The following FOXP2 variants were observed in gnomAD, a reference collection of about 807,000 sequenced individuals.
FOXP2 encodes forkhead box P2.
Under a neutral mutation model 115.8 loss-of-function variants are expected in FOXP2, and 12 were observed. The observed-to-expected ratio is 0.10, with a 90% confidence interval of 0.07 to 0.17. FOXP2 has a LOEUF of 0.17. Among genes scored for constraint, FOXP2 ranks in the 10% least tolerant of loss-of-function variants. The pLI is 1.00. For synonymous variants in FOXP2, 328 were observed against 297.7 expected (o/e 1.10, Z -1.05); for missense variants, 629 against 843.5 (o/e 0.75, Z 3.15).
chr7:114,567,107 C>A (rs1801065124), intron 3 of FOXP2, among the ~76,000 whole-genome samples: 1 of 151,940 alleles, frequency 6.6e-6, no homozygotes, highest in African/African-American at 2.4e-5. Context: ...AAGACAGATA[C>A]AATGTCTTGG....
chr7:114,534,837 A>G, intron 3 of FOXP2, 131 bp downstream of exon 3: 2 of 723,696 alleles, frequency 2.8e-6, no homozygotes, highest in East Asian at 2.7e-5. Flanking sequence ...TAATTCATAA[A>G]GAGAATTCAT....
intron 1 of FOXP2, among the ~76,000 whole-genome samples, chr7:114,168,396 G>A (rs941006754): frequency 1.3e-5 from 2 of 152,132 alleles, no homozygotes; most frequent in Non-Finnish European, 2.9e-5. Flanking sequence ...GAACTTGTTG[G>A]GAACTGGAGC....
intron 3 of FOXP2, among the ~76,000 whole-genome samples, chr7:114,619,389 C>T (rs1377318084): frequency 6.6e-6 from 1 of 152,050 alleles, no homozygotes; most frequent in Non-Finnish European, 1.5e-5. Context: ...TTTAATACAT[C>T]ATATGAGGAG....
At chr7:114,164,647 T>C (rs1792929887) in intron 1 of FOXP2, among the ~76,000 whole-genome samples, 1 of 152,116 alleles carries the variant, frequency 6.6e-6, no homozygotes, top group Non-Finnish European at 1.5e-5. Flanking sequence ...GCCCAAAACA[T>C]TTTTTAAATC....
At chr7:114,321,013 C>T (rs761696641) in intron 2 of FOXP2, among the ~76,000 whole-genome samples, 8 of 151,824 alleles carry the variant, frequency 5.3e-5, no homozygotes, top group Non-Finnish European at 8.8e-5. Context: ...ATTATTTCAC[C>T]GTTGTTTGAA....
chr7:114,630,241 C>T lies in FOXP2; in HGVS notation c.597+236C>T, dbSNP rs556264818. ...TCGTCTAATGTTCACTAATGAATCA[C>T]AGTACAAAGAGCAAGCTGTGTGGTG... is the stretch of plus-strand genomic sequence containing the variant. On this transcript the variant is annotated intron_variant, in intron 5 of 16. Coordinates refer to ENST00000350908, the MANE Select transcript of FOXP2 (RefSeq NM_014491.4). Among the ~76,000 whole-genome samples, 44 of 152,180 alleles carry T rather than the reference C, an allele frequency of 2.9e-4. No individual in the cohort carries two copies. In the South Asian group the frequency reaches 3.9e-3, roughly 14 times the overall value.
intron 2 of FOXP2, among the ~76,000 whole-genome samples, chr7:114,344,764 T>C (rs1400248183): frequency 2.6e-5 from 4 of 151,828 alleles, no homozygotes; most frequent in African/African-American, 9.7e-5. Context: ...ACTGTTTACA[T>C]TAGGGCTTAA....
intron 1 of FOXP2, among the ~76,000 whole-genome samples, chr7:114,148,665 C>T (rs1442581502): frequency 6.6e-6 from 1 of 152,174 alleles, no homozygotes; most frequent in African/African-American, 2.4e-5. Context: ...GTCAAGCAAA[C>T]TGCTTTCCTG....
intron 1 of FOXP2, among the ~76,000 whole-genome samples, chr7:114,280,912 T>G (rs1562851753): frequency 6.6e-6 from 1 of 151,988 alleles, no homozygotes; most frequent in Admixed American, 6.6e-5. Context: ...GATCTATCCT[T>G]GTCCTTGGAA....
upstream of FOXP2, among the ~76,000 whole-genome samples, chr7:114,412,628 T>C (rs1166854062): frequency 2.0e-5 from 3 of 152,164 alleles, no homozygotes; most frequent in East Asian, 5.8e-4. Context: ...TTAATGTCAT[T>C]GTAACCAGCC....
At chr7:114,270,029 T>A (rs1795996065) in intron 1 of FOXP2, among the ~76,000 whole-genome samples, 1 of 152,194 alleles carries the variant, frequency 6.6e-6, no homozygotes, top group African/African-American at 2.4e-5. Flanking sequence ...TGTGCTCAAC[T>A]TTTAGAAAAC....
intron 1 of FOXP2, among the ~76,000 whole-genome samples, chr7:114,115,992 T>C (rs1239950476): frequency 6.6e-6 from 1 of 152,202 alleles, no homozygotes; most frequent in Non-Finnish European, 1.5e-5. Context: ...TCTAGTAGCA[T>C]GTTTCCCTAA....
chr7:114,097,915 G>A (rs567986855), intron 1 of FOXP2, among the ~76,000 whole-genome samples: 6 of 152,262 alleles, frequency 3.9e-5, no homozygotes, highest in African/African-American at 1.4e-4. Flanking sequence ...ACAAATAATT[G>A]AAGAATCCTA....
In FOXP2 at chr7:114,554,917, C is replaced by T. The variant is rs1323920124; in HGVS notation, c.258+20211C>T. ...ATTGCCTAATGTCAGGATTCAGACACGTGTATCTAAAAAAGGGCTTCCTCT... is the reference window on the plus strand; with the variant it reads ...ATTGCCTAATGTCAGGATTCAGACATGTGTATCTAAAAAAGGGCTTCCTCT... On this transcript the variant is annotated intron_variant, in intron 3 of 16. Coordinates refer to ENST00000350908, the MANE Select transcript of FOXP2 (RefSeq NM_014491.4). Among the ~76,000 whole-genome samples, 34 of 152,084 alleles carry T rather than the reference C, an allele frequency of 2.2e-4. 1 individual carries two copies. The highest frequency in any genetic ancestry group is 2.1e-3 in the Admixed American group (32 of 15,266).
intron 3 of FOXP2, among the ~76,000 whole-genome samples, chr7:114,537,512 A>G (rs1340640986): frequency 1.3e-5 from 2 of 151,562 alleles, no homozygotes; most frequent in African/African-American, 4.8e-5. Context: ...GTTAACATTC[A>G]CCTGAATTTC....
At chr7:114,593,398 T>C (rs1460770049) in intron 3 of FOXP2, among the ~76,000 whole-genome samples, 5 of 151,994 alleles carry the variant, frequency 3.3e-5, no homozygotes, top group Non-Finnish European at 5.9e-5. Flanking sequence ...GTTGTACCAA[T>C]TGACAAAACA....
Position 114,642,405 on chromosome 7 carries a change from T to C in FOXP2, c.776-5T>C, listed in dbSNP as rs570792273. 49 of 1,612,936 alleles carry C rather than the reference T, an allele frequency of 3.0e-5. No homozygotes were observed. The Admixed American group carries it at 7.8e-4, about 26-fold the overall frequency. ...ATGCTAGTGAAGCTTTCTTTCATTT[T>C]ATAGCTGGCTTAAGTCCTGCTGAGA... On this transcript the variant is annotated splice_polypyrimidine_tract_variant and splice_region_variant and intron_variant, in intron 6 of 16. Coordinates refer to ENST00000350908, the MANE Select transcript of FOXP2 (RefSeq NM_014491.4).
chr7:114,179,325 A>G (rs948680955), intron 1 of FOXP2, among the ~76,000 whole-genome samples: 1 of 152,018 alleles, frequency 6.6e-6, no homozygotes, highest in Admixed American at 6.6e-5. Flanking sequence ...ATTGAGATGA[A>G]TACTAATGTG....
chr7:114,370,575 G>A (rs1791979906), intron 2 of FOXP2, among the ~76,000 whole-genome samples: 2 of 152,162 alleles, frequency 1.3e-5, no homozygotes, highest in African/African-American at 4.8e-5. Flanking sequence ...AACATGTAAA[G>A]CAAGAGAACA....
Sources: allele counts gnomAD v4.1 joint callset (sites outside exome capture counted in the v4.1 genomes callset), GRCh38; gene constraint gnomAD v4.1.1; transcripts MANE v1.5; gene names NCBI Gene and HGNC (gene_info 2026-07-23, HGNC 2026-07-21).